The following TTC6 variants were observed in gnomAD, a reference collection of about 807,000 sequenced individuals.
The protein encoded by TTC6 is tetratricopeptide repeat protein 6.
A neutral mutation model predicts 210.4 loss-of-function variants in TTC6; 172 were observed. That is an observed-to-expected ratio of 0.82 (90% CI 0.72 to 0.93). The LOEUF (loss-of-function observed/expected upper bound fraction) is 0.93. Among genes scored for constraint, TTC6 ranks in the 40% least tolerant of loss-of-function variants. TTC6 has a pLI of 0.00. For synonymous variants in TTC6, 804 were observed against 819.6 expected (o/e 0.98, Z 0.32); for missense variants, 2,414 against 2,318.1 (o/e 1.04, Z -0.85).
At chr14:37,723,569 A>C (rs2095865948) in intron 6 of TTC6, among the ~76,000 whole-genome samples, 1 of 152,020 alleles carries the variant, frequency 6.6e-6, no homozygotes, top group Admixed American at 6.6e-5. Flanking sequence ...AGGCTTCCAT[A>C]ATTCTCCCTC....
chr14:37,683,501 G>A (rs1020557316), intron 3 of TTC6, among the ~76,000 whole-genome samples: 4 of 152,058 alleles, frequency 2.6e-5, no homozygotes, highest in African/African-American at 9.7e-5. Flanking sequence ...GCTTTGGTTA[G>A]TTGTGGTCAA....
intron 3 of TTC6, among the ~76,000 whole-genome samples, chr14:37,689,372 G>T (rs560110851): frequency 1.6e-4 from 24 of 152,252 alleles, no homozygotes; most frequent in Middle Eastern, 6.8e-3. Context: ...TAAAGAGGAT[G>T]TAGAGAAAGA....
At chr14:37,714,307 G>A (rs1404201134) in intron 5 of TTC6, among the ~76,000 whole-genome samples, 1 of 151,910 alleles carries the variant, frequency 6.6e-6, no homozygotes, top group Admixed American at 6.6e-5. Context: ...ATGAAACTTT[G>A]TGTGTATGTG....
intron 1 of TTC6, among the ~76,000 whole-genome samples, chr14:37,665,258 C>T (rs986986265): frequency 6.7e-6 from 1 of 150,198 alleles, no homozygotes; most frequent in Non-Finnish European, 1.5e-5. Flanking sequence ...TAAATGCCCA[C>T]CAATGATAGA....
At chr14:37,721,847 C>CATATATACATATATATATATAT (rs1186369830) in intron 6 of TTC6, among the ~76,000 whole-genome samples, 3 of 117,266 alleles carry the variant, frequency 2.6e-5, no homozygotes, top group African/African-American at 9.7e-5. Flanking sequence ...TGAGTTTCAC[C>CATATATACATATATATATATAT]ATATATATAT....
At chr14:37,727,485 G>A (rs2095875688) in intron 7 of TTC6, among the ~76,000 whole-genome samples, 1 of 151,406 alleles carries the variant, frequency 6.6e-6, no homozygotes, top group Admixed American at 6.6e-5. Context: ...AGTAGAGATG[G>A]GGTTTCACTG....
rs184590872 is a variant in TTC6, at chr14:37,757,687, A to G, written c.3266+4452A>G. On this transcript the variant is annotated intron_variant, in intron 14 of 30. Coordinates refer to ENST00000553443, the Ensembl canonical transcript of TTC6. Reference sequence around the variant, plus strand: ...GGTTTTTCATGTCTCTACCTCCTTCAGTTCTGCTCTGATCTTTTTTATTTC... The same window carrying G: ...GGTTTTTCATGTCTCTACCTCCTTCGGTTCTGCTCTGATCTTTTTTATTTC... 2.0e-5 allele frequency among the ~76,000 whole-genome samples: 3 copies of G among 152,062 alleles called. No individual in the cohort carries two copies. In the South Asian group the frequency reaches 6.2e-4, roughly 32 times the overall value.
chr14:37,666,244 C>A (rs2095747723), intron 1 of TTC6, among the ~76,000 whole-genome samples: 1 of 149,864 alleles, frequency 6.7e-6, no homozygotes, highest in African/African-American at 2.4e-5. Context: ...CTGACTGCAA[C>A]ATTCCCCATC....
chr14:37,799,964 G>A (rs2096102300), intron 20 of TTC6, among the ~76,000 whole-genome samples: 1 of 152,120 alleles, frequency 6.6e-6, no homozygotes, highest in African/African-American at 2.4e-5. Flanking sequence ...TCTCCTGTGA[G>A]ATAAGAAATG....
intron 29 of TTC6, among the ~76,000 whole-genome samples, chr14:37,832,218 G>C (rs1386409441): frequency 6.6e-6 from 1 of 151,134 alleles, no homozygotes. Flanking sequence ...AGTTAGTCTA[G>C]CTATCAGTTT....
chr14:37,790,857 T>A lies in TTC6; in HGVS notation c.3557+20T>A. 2 of 1,510,892 alleles carry A rather than the reference T, an allele frequency of 1.3e-6. No individual in the cohort carries two copies. Among genetic ancestry groups the A allele is most frequent in the African/African-American group, 2.8e-5 (2 of 71,432 alleles). 93.6% of individuals were successfully genotyped at this position (1,510,892 alleles called of 1,614,324 possible). On this transcript the variant is annotated intron_variant, in intron 16 of 30. Transcript: ENST00000553443. ...AGAAAGGTATGTTTTCCTTTTCATA[T>A]TTATTGATTTCAGTTTTGTAAAAAA...
intron 5 of TTC6, among the ~76,000 whole-genome samples, chr14:37,707,221 C>A (rs781550291): frequency 3.3e-5 from 5 of 151,890 alleles, no homozygotes; most frequent in Non-Finnish European, 7.4e-5. Flanking sequence ...ATTTCCCTAG[C>A]GTATGTTTGA....
chr14:37,840,018 G>A (rs1252408487), intron 29 of TTC6, among the ~76,000 whole-genome samples: 1 of 151,950 alleles, frequency 6.6e-6, no homozygotes, highest in Non-Finnish European at 1.5e-5. Flanking sequence ...TATCTGTTTT[G>A]GTACCAGTAC....
chr14:37,623,029 A>G (rs1023033394), intron 1 of TTC6, 26 bp downstream of exon 3: 3 of 1,428,396 alleles, frequency 2.1e-6, no homozygotes, highest in Admixed American at 2.9e-5. Context: ...CAAGAGTAAC[A>G]TTTTTCCCAA....
chr14:37,700,142 G>A (rs1187756502), intron 4 of TTC6, among the ~76,000 whole-genome samples: 1 of 152,080 alleles, frequency 6.6e-6, no homozygotes, highest in East Asian at 1.9e-4. Flanking sequence ...TGAAAAGAAG[G>A]TCATTTGGTT....
At chr14:37,629,864 T>A (rs2095666397) in intron 1 of TTC6, among the ~76,000 whole-genome samples, 1 of 152,202 alleles carries the variant, frequency 6.6e-6, no homozygotes, top group South Asian at 2.1e-4. Context: ...ATTGAGATAA[T>A]CATGTGGTTT....
intron 15 of TTC6, among the ~76,000 whole-genome samples, chr14:37,789,596 TTATATA>T (rs1283814571): frequency 5.9e-5 from 8 of 134,498 alleles, no homozygotes; most frequent in African/African-American, 2.2e-4. Flanking sequence ...TGGTTTCCTC[TTATATA>T]TATATATATA....
intron 14 of TTC6, among the ~76,000 whole-genome samples, chr14:37,786,586 T>C (rs577217865): frequency 5.9e-5 from 9 of 152,300 alleles, no homozygotes; most frequent in African/African-American, 2.2e-4. Context: ...GGTGAGGCGG[T>C]GCCTGGCCCT....
intron 1 of TTC6, among the ~76,000 whole-genome samples, chr14:37,659,071 C>T (rs2095731301): frequency 6.6e-6 from 1 of 152,096 alleles, no homozygotes; most frequent in African/African-American, 2.4e-5. Context: ...AGGATAATGG[C>T]CTCCAGCTCC....
Sources: gnomAD v4.1 joint callset for allele counts (sites outside exome capture counted in the v4.1 genomes callset) on GRCh38, gnomAD v4.1.1 for gene constraint, MANE v1.5 for transcripts, NCBI Gene and HGNC (gene_info 2026-07-23, HGNC 2026-07-21) for gene names.